The following C10orf90 variants were observed in gnomAD, a reference collection of about 807,000 sequenced individuals.
The protein encoded by C10orf90 is (E2-independent) E3 ubiquitin-conjugating enzyme FATS.
C10orf90 carries 56 observed loss-of-function variants against 62.5 expected under a neutral mutation model. That is an observed-to-expected ratio of 0.90 (90% CI 0.72 to 1.12). The LOEUF is 1.12. C10orf90 is among the 50% of genes most tolerant of loss of function. C10orf90 has a pLI of 0.00. For synonymous variants in C10orf90, 386 were observed against 340.4 expected (o/e 1.13, Z -1.47); for missense variants, 970 against 880.4 (o/e 1.10, Z -1.29).
intron 7 of C10orf90, among the ~76,000 whole-genome samples, chr10:126,431,491 A>T (rs998313065): frequency 1.3e-5 from 2 of 152,178 alleles, no homozygotes; most frequent in Non-Finnish European, 2.9e-5. Context: ...CCACAGAAAC[A>T]TCCCAATGGC....
chr10:126,608,067 T>C (rs1170427389), intron 2 of C10orf90, among the ~76,000 whole-genome samples: 1 of 152,194 alleles, frequency 6.6e-6, no homozygotes, highest in Non-Finnish European at 1.5e-5. Context: ...GGATAGATGG[T>C]GGTCAATGTT....
At chr10:126,426,577 T>A (rs184633351) in intron 8 of C10orf90, among the ~76,000 whole-genome samples, 3 of 152,282 alleles carry the variant, frequency 2.0e-5, no homozygotes, top group Admixed American at 2.0e-4. Flanking sequence ...ATAAAACACA[T>A]ATAAGTGTGT....
chr10:126,548,363 C>A (rs1398223944), intron 2 of C10orf90, among the ~76,000 whole-genome samples: 1 of 151,998 alleles, frequency 6.6e-6, no homozygotes, highest in East Asian at 1.9e-4. Flanking sequence ...GGAAACATAG[C>A]AAGACCCCAT....
intron 2 of C10orf90, among the ~76,000 whole-genome samples, chr10:126,530,851 A>G (rs1313956024): frequency 6.6e-6 from 1 of 152,288 alleles, no homozygotes; most frequent in African/African-American, 2.4e-5. Context: ...CAAAAAAAGC[A>G]AAAGAGAGAG....
intron 2 of C10orf90, among the ~76,000 whole-genome samples, chr10:126,576,142 A>C (rs1844606849): frequency 6.6e-6 from 1 of 152,140 alleles, no homozygotes; most frequent in Admixed American, 6.6e-5. Flanking sequence ...AGGACAACCT[A>C]CAGAATGGGA....
rs76115119 is a variant in C10orf90, at chr10:126,546,663, C to T, written c.314-32724G>A. Among the ~76,000 whole-genome samples, 711 of 152,330 alleles carry T rather than the reference C, an allele frequency of 4.7e-3. 7 individuals carry two copies. Among genetic ancestry groups the T allele is most frequent in the African/African-American group, 0.016 (647 of 41,582 alleles). ...CCCAGCAGCAATGAGGATTTCCCCC[C>T]TCTTGGGTGTCAACTGAAGCCTAGT... On this transcript the variant is annotated intron_variant, in intron 2 of 9. Transcript: ENST00000488181.
chr10:126,595,544 G>A (rs1326824681), intron 2 of C10orf90, among the ~76,000 whole-genome samples: 1 of 152,210 alleles, frequency 6.6e-6, no homozygotes, highest in African/African-American at 2.4e-5. Flanking sequence ...CTCTCCACCA[G>A]AGGCTGTGTG....
intron 4 of C10orf90, among the ~76,000 whole-genome samples, chr10:126,479,515 C>T (rs1428563354): frequency 6.6e-6 from 1 of 152,114 alleles, no homozygotes. Flanking sequence ...CCTGCGAGGC[C>T]CTGATTGTTC....
chr10:126,509,870 C>A (rs1862993508), intron 3 of C10orf90, among the ~76,000 whole-genome samples: 1 of 152,148 alleles, frequency 6.6e-6, no homozygotes, highest in African/African-American at 2.4e-5. Context: ...TTTGCCAGGG[C>A]TACCATAGCA....
intron 2 of C10orf90, among the ~76,000 whole-genome samples, chr10:126,640,859 C>T (rs991437993): frequency 2.0e-5 from 3 of 152,288 alleles, no homozygotes; most frequent in Middle Eastern, 3.4e-3. Context: ...ATATTTTGTC[C>T]TCTGGGGACT....
intron 2 of C10orf90, among the ~76,000 whole-genome samples, chr10:126,532,694 G>T (rs1040435899): frequency 6.7e-6 from 1 of 150,128 alleles, no homozygotes; most frequent in Non-Finnish European, 1.5e-5. Context: ...AAAATTAGCC[G>T]GGCATGGTGG....
chr10:126,585,331 G>A (rs993542932), intron 2 of C10orf90, among the ~76,000 whole-genome samples: 2 of 129,568 alleles, frequency 1.5e-5, no homozygotes, highest in Non-Finnish European at 3.6e-5. Context: ...GGAAGAGAGG[G>A]AGAGAGGGAG....
At chr10:126,450,486 C>A (rs1175319915) in intron 7 of C10orf90, among the ~76,000 whole-genome samples, 3 of 152,088 alleles carry the variant, frequency 2.0e-5, no homozygotes, top group Non-Finnish European at 4.4e-5. Flanking sequence ...ATGGTGCTGG[C>A]ATAAAAACAA....
intron 7 of C10orf90, among the ~76,000 whole-genome samples, chr10:126,440,799 T>C (rs919930450): frequency 1.3e-5 from 2 of 152,098 alleles, no homozygotes; most frequent in South Asian, 4.2e-4. Context: ...TAACAATCAC[T>C]ACAGCTCAGC....
chr10:126,515,064 C>A (rs148010394), intron 2 of C10orf90, among the ~76,000 whole-genome samples: 1 of 152,208 alleles, frequency 6.6e-6, no homozygotes, highest in Non-Finnish European at 1.5e-5. Flanking sequence ...TTTATCAACT[C>A]ATCAAAAAGT....
intron 1 of C10orf90, among the ~76,000 whole-genome samples, chr10:126,669,779 T>C (rs1216867035): frequency 2.0e-5 from 3 of 152,036 alleles, no homozygotes; most frequent in Non-Finnish European, 4.4e-5. Flanking sequence ...TCATTCTTAC[T>C]GGCCTAACTT....
intron 4 of C10orf90, among the ~76,000 whole-genome samples, chr10:126,482,816 G>T (rs1198277543): frequency 1.3e-5 from 2 of 152,198 alleles, no homozygotes; most frequent in Admixed American, 1.3e-4. Flanking sequence ...CTTTCTCTGA[G>T]GTTAGAAGAG....
chr10:126,636,836 A>G (rs972616587), intron 2 of C10orf90, among the ~76,000 whole-genome samples: 2 of 152,194 alleles, frequency 1.3e-5, no homozygotes, highest in Non-Finnish European at 2.9e-5. Flanking sequence ...TATTCTCTCC[A>G]TGCCTTATTA....
At chr10:126,539,715 T>C (rs1412965586) in intron 2 of C10orf90, among the ~76,000 whole-genome samples, 1 of 152,216 alleles carries the variant, frequency 6.6e-6, no homozygotes, top group Non-Finnish European at 1.5e-5. Flanking sequence ...TTGGAAAAGT[T>C]TGTAAATTAA....
Sources: allele counts gnomAD v4.1 joint callset (sites outside exome capture counted in the v4.1 genomes callset), GRCh38; gene constraint gnomAD v4.1.1; transcripts MANE v1.5; gene names NCBI Gene and HGNC (gene_info 2026-07-23, HGNC 2026-07-21).